RHOBTB1: variants seen among roughly 807,000 people sequenced by gnomAD.
RHOBTB1 encodes the protein rho-related BTB domain-containing protein 1.
In RHOBTB1, 40 loss-of-function variants were observed where a neutral mutation model predicts 71.6. The observed-to-expected ratio is 0.56, with a 90% CI of 0.43 to 0.73. The LOEUF (loss-of-function observed/expected upper bound fraction) is 0.73. Ranked by LOEUF, RHOBTB1 falls within the 30% of genes least tolerant of loss-of-function variation. The pLI is 0.00. For synonymous variants in RHOBTB1, 319 were observed against 334.9 expected, an observed-to-expected ratio of 0.95 and a Z score of 0.52; for missense variants, 797 against 894.0, an observed-to-expected ratio of 0.89 and a Z score of 1.38.
At chr10:60,940,764 G>A (rs1222595348) in intron 2 of RHOBTB1, among the ~76,000 whole-genome samples, 1 of 152,104 alleles carries the variant, frequency 6.6e-6, no homozygotes, top group Non-Finnish European at 1.5e-5. Context: ...CAAAAAAAAT[G>A]TGCTTGGAAA....
At chr10:60,897,899 T>C (rs1338015772) in intron 4 of RHOBTB1, among the ~76,000 whole-genome samples, 2 of 151,994 alleles carry the variant, frequency 1.3e-5, no homozygotes, top group East Asian at 3.9e-4. Flanking sequence ...AGAGATGGGG[T>C]TTCACCATGT....
chr10:60,890,589 A>G (rs2081868525), intron 5 of RHOBTB1, among the ~76,000 whole-genome samples: 1 of 152,184 alleles, frequency 6.6e-6, no homozygotes, highest in South Asian at 2.1e-4. Flanking sequence ...TTATTGTGAC[A>G]CACATCACAA....
intron 2 of RHOBTB1, among the ~76,000 whole-genome samples, chr10:60,954,868 C>G (rs2085530672): frequency 6.6e-6 from 1 of 151,872 alleles, no homozygotes; most frequent in Non-Finnish European, 1.5e-5. Context: ...CATAAATGGT[C>G]AAGTTTCGGA....
chr10:60,954,925 A>G (rs1337216324), intron 2 of RHOBTB1, among the ~76,000 whole-genome samples: 1 of 152,156 alleles, frequency 6.6e-6, no homozygotes. Flanking sequence ...ATAATTTCTA[A>G]TAAGGGTTCT....
chr10:60,928,588 A>G (rs375920989), intron 2 of RHOBTB1, among the ~76,000 whole-genome samples: 196 of 152,196 alleles, frequency 1.3e-3, no homozygotes, highest in Middle Eastern at 6.9e-3. Flanking sequence ...TCATGGAAGT[A>G]GAGAATATAA....
Position 60,888,369 on chromosome 10 carries a change from C to T in RHOBTB1, c.1299G>A (p.Leu433=). Residue 433 remains leucine (L), a synonymous_variant, in exon 6 of 11, where the codon CTG becomes CTA. Transcript: ENST00000337910. ...LDEKEKDLVG[L]AQIAEVLEMF... ...TCTCGAGGACCTCTGCGATCTGAGCCAGGCCCACCAAATCCTTTTCCTTTT... is the reference window on the plus strand; with the variant it reads ...TCTCGAGGACCTCTGCGATCTGAGCTAGGCCCACCAAATCCTTTTCCTTTT... The T allele has an allele frequency of 6.2e-7, 1 of 1,614,162 alleles. No individual in the cohort carries two copies. Among genetic ancestry groups the T allele is most frequent in the African/African-American group, 1.3e-5 (1 of 75,036 alleles).
chr10:60,943,646 G>C (rs1464456367), intron 1 of RHOBTB1, among the ~76,000 whole-genome samples: 1 of 152,196 alleles, frequency 6.6e-6, no homozygotes, highest in Non-Finnish European at 1.5e-5. Context: ...TCTCGTCGGC[G>C]CGGCACCACC....
intron 6 of RHOBTB1, 107 bp downstream of exon 6, chr10:60,888,105 T>A: frequency 8.0e-7 from 1 of 1,245,348 alleles, no homozygotes; most frequent in Non-Finnish European, 1.1e-6. Context: ...AAAAAATAAG[T>A]ACGTATAAAT....
At chr10:60,908,411 G>A (rs1406842092) in intron 4 of RHOBTB1, among the ~76,000 whole-genome samples, 2 of 152,162 alleles carry the variant, frequency 1.3e-5, no homozygotes, top group African/African-American at 4.8e-5. Flanking sequence ...TATGTCTTGA[G>A]TACATCCCAC....
intron 2 of RHOBTB1, among the ~76,000 whole-genome samples, chr10:60,964,580 C>T (rs1166974549): frequency 2.0e-5 from 3 of 152,092 alleles, no homozygotes; most frequent in Admixed American, 1.3e-4. Flanking sequence ...TCCTAATTTT[C>T]CTGCAGCATT....
At chr10:60,932,828 T>C (rs566477622) in intron 2 of RHOBTB1, among the ~76,000 whole-genome samples, 128 of 152,354 alleles carry the variant, frequency 8.4e-4, no homozygotes, top group Admixed American at 2.1e-3. Flanking sequence ...CTGTAGACTA[T>C]GGGTGTTTAA....
intron 2 of RHOBTB1, among the ~76,000 whole-genome samples, chr10:60,940,498 G>T (rs577837807): frequency 5.3e-5 from 8 of 152,302 alleles, no homozygotes; most frequent in African/African-American, 1.7e-4. Flanking sequence ...TCTACGTGGT[G>T]CCTTTCAGAC....
intron 2 of RHOBTB1, among the ~76,000 whole-genome samples, chr10:60,932,919 G>A (rs1019839532): frequency 2.0e-5 from 3 of 152,166 alleles, no homozygotes; most frequent in East Asian, 1.9e-4. Context: ...AGATGTTACC[G>A]AGTTAGCTTC....
rs2084671298 is a variant in RHOBTB1 at position 60,937,737 on chromosome 10, A to C, written c.-11+4067T>G. Reference sequence around the variant, plus strand: ...ACCACTCGGCCTGTTGTGTTCAAGAAAAAAAGGTTCCTATAACCATTCCTT... The same window carrying C: ...ACCACTCGGCCTGTTGTGTTCAAGACAAAAAGGTTCCTATAACCATTCCTT... On this transcript the variant is annotated intron_variant, in intron 2 of 10. Transcript: ENST00000337910. Among the ~76,000 whole-genome samples the C allele has an allele frequency of 2.0e-5, 3 of 152,220 alleles. No homozygotes were observed. The South Asian group carries it at 6.2e-4, about 32-fold the overall frequency.
chr10:60,875,630 A>C (rs940432962), intron 8 of RHOBTB1, among the ~76,000 whole-genome samples: 1 of 152,192 alleles, frequency 6.6e-6, no homozygotes, highest in African/African-American at 2.4e-5. Flanking sequence ...CAGAGGAATG[A>C]GTCTATTTGA....
intron 2 of RHOBTB1, among the ~76,000 whole-genome samples, chr10:60,957,532 G>A (rs1316963187): frequency 6.6e-6 from 1 of 152,124 alleles, no homozygotes; most frequent in African/African-American, 2.4e-5. Context: ...GTGCAGTGGT[G>A]CAGCCACCAC....
At position 60,918,807 on chromosome 10, in the gene RHOBTB1, G is replaced by A. The variant is rs191216904; in HGVS notation, c.-10-7255C>T. On this transcript the variant is annotated intron_variant, in intron 2 of 10. Transcript: ENST00000337910. Reference sequence around the variant, plus strand: ...TGTTGCCAGGCTGGAGTGCAATAGCGCAATCTTGGCTCACCACAAACCTCC... The same window carrying A: ...TGTTGCCAGGCTGGAGTGCAATAGCACAATCTTGGCTCACCACAAACCTCC... Among the ~76,000 whole-genome samples the A allele has an allele frequency of 3.5e-3, 531 of 150,776 alleles. 2 individuals are homozygous for A. Among genetic ancestry groups the A allele is most frequent in the Non-Finnish European group, 5.5e-3 (372 of 67,826 alleles).
intron 2 of RHOBTB1, among the ~76,000 whole-genome samples, chr10:60,933,128 C>T (rs2084356590): frequency 6.6e-6 from 1 of 152,222 alleles, no homozygotes; most frequent in South Asian, 2.1e-4. Flanking sequence ...ATTAACCAGA[C>T]TTCTTAAGAT....
intron 4 of RHOBTB1, among the ~76,000 whole-genome samples, chr10:60,901,372 C>A (rs546422586): frequency 1.3e-5 from 2 of 151,978 alleles, no homozygotes; most frequent in East Asian, 1.9e-4. Flanking sequence ...GTTCTGTAAC[C>A]GTTAAGTGCC....
Sources: gnomAD v4.1 joint callset for allele counts (sites outside exome capture counted in the v4.1 genomes callset) on GRCh38, gnomAD v4.1.1 for gene constraint, MANE v1.5 for transcripts, NCBI Gene and HGNC (gene_info 2026-07-23, HGNC 2026-07-21) for gene names.